TWIST2: variants seen among roughly 807,000 people sequenced by gnomAD.
TWIST2 encodes the protein twist family bHLH transcription factor 2.
Under a neutral mutation model 11.6 loss-of-function variants are expected in TWIST2, and 1 was observed. The ratio of observed to expected loss-of-function variants is 0.09; its 90% confidence interval spans 0.03 to 0.41. The LOEUF is 0.41. Ranked by LOEUF, TWIST2 falls within the 10% of genes least tolerant of loss-of-function variation. The pLI is 0.98. For synonymous variants in TWIST2, 87 were observed against 96.6 expected, an observed-to-expected ratio of 0.90 and a Z score of 0.58; for missense variants, 168 against 226.4, an observed-to-expected ratio of 0.74 and a Z score of 1.66.
intron 1 of TWIST2, among the ~76,000 whole-genome samples, chr2:238,908,568 C>A (rs1693395416): frequency 6.6e-6 from 1 of 152,294 alleles, no homozygotes; most frequent in South Asian, 2.1e-4. Flanking sequence ...GTGCCAGATG[C>A]CTGGGTGTGA....
At chr2:238,883,555 C>G (rs899943491) in intron 1 of TWIST2, among the ~76,000 whole-genome samples, 31 of 152,216 alleles carry the variant, frequency 2.0e-4, no homozygotes, top group Admixed American at 6.5e-5. Flanking sequence ...CCAGCCTTAT[C>G]ACTCCCTATC....
intron 1 of TWIST2, among the ~76,000 whole-genome samples, chr2:238,895,150 A>G (rs1358632535): frequency 3.3e-5 from 5 of 152,220 alleles, no homozygotes; most frequent in Admixed American, 1.3e-4. Context: ...CTGTGTCTTC[A>G]GATAGTCATG....
chr2:238,888,317 A>G (rs563156190), intron 1 of TWIST2, among the ~76,000 whole-genome samples: 2 of 151,274 alleles, frequency 1.3e-5, no homozygotes, highest in African/African-American at 4.9e-5. Context: ...CCCTCTACTC[A>G]CTTTCATCCT....
At chr2:238,869,884 G>A (rs1692614803) in intron 1 of TWIST2, among the ~76,000 whole-genome samples, 3 of 152,084 alleles carry the variant, frequency 2.0e-5, no homozygotes, top group African/African-American at 7.2e-5. Context: ...GGAGTTTGAG[G>A]TTACAGTGAG....
chr2:238,909,110 TG>T (rs2106377293), intron 1 of TWIST2, among the ~76,000 whole-genome samples: 1 of 60,256 alleles, frequency 1.7e-5, no homozygotes, highest in Non-Finnish European at 4.0e-5. Context: ...TTGGTGTGTG[TG>T]TATGTGGGGT....
At chr2:238,881,913 G>T (rs1692943441) in intron 1 of TWIST2, among the ~76,000 whole-genome samples, 1 of 152,046 alleles carries the variant, frequency 6.6e-6, no homozygotes, top group South Asian at 2.1e-4. Context: ...AGAGCCCGTG[G>T]GCATCACAGC....
rs147257411 is a variant in TWIST2 at position 238,882,168 on chromosome 2, A to C, written c.*36-27674A>C. Among the ~76,000 whole-genome samples the C allele has an allele frequency of 1.9e-3, 283 of 152,080 alleles. 1 individual carries two copies. Among genetic ancestry groups the C allele is most frequent in the African/African-American group, 6.4e-3 (265 of 41,502 alleles). On this transcript the variant is annotated intron_variant, in intron 1 of 1. Coordinates refer to ENST00000612363, the MANE Select transcript of TWIST2 (RefSeq NM_001271893.4). ...CTCCCAGGTCCCTGTTCATACACCAAGCCCCACTTGCCTTCTTTTCCCTGG... is the reference window on the plus strand; with the variant it reads ...CTCCCAGGTCCCTGTTCATACACCACGCCCCACTTGCCTTCTTTTCCCTGG...
At position 238,867,311 on chromosome 2, in the gene TWIST2, A is replaced by C. The variant is rs1326107331; in HGVS notation, c.*35+18578A>C. On this transcript the variant is annotated intron_variant, in intron 1 of 1. Transcript: ENST00000612363. This position sits in a 1 kb window ranked among gnomAD's most constrained non-coding sequence, Gnocchi z 4.8. ...CCTAGCCTGGAGACATCTTGGGGGA[A>C]AGTGATTCATCTGATCTGGGATGGA... 2.1e-5 allele frequency among the ~76,000 whole-genome samples: 3 copies of C among 146,196 alleles called. No homozygotes were observed. The highest frequency in any genetic ancestry group is 7.6e-5 in the African/African-American group (3 of 39,380).
intron 1 of TWIST2, among the ~76,000 whole-genome samples, chr2:238,902,978 T>TGTGTGTGTG (rs1344168075): frequency 3.6e-5 from 1 of 27,844 alleles, no homozygotes; most frequent in Non-Finnish European, 5.7e-5. Context: ...GTGTGTGATG[T>TGTGTGTGTG]GGGTGTGTGA....
chr2:238,855,431 T>C (rs1692313269), intron 1 of TWIST2, among the ~76,000 whole-genome samples: 1 of 152,214 alleles, frequency 6.6e-6, no homozygotes, highest in Admixed American at 6.5e-5. Context: ...ACATATATAC[T>C]GGTTTCTAAC....
chr2:238,908,313 C>T (rs1194046444), intron 1 of TWIST2, among the ~76,000 whole-genome samples: 2 of 148,294 alleles, frequency 1.3e-5, no homozygotes, highest in Non-Finnish European at 3.0e-5. Context: ...TGTACATAGA[C>T]ACCACATACA....
intron 1 of TWIST2, among the ~76,000 whole-genome samples, chr2:238,890,262 G>C (rs574207329): frequency 6.6e-6 from 1 of 152,352 alleles, no homozygotes; most frequent in Admixed American, 6.5e-5. Flanking sequence ...GGCCACTCCA[G>C]CCTGTATCCC....
intron 1 of TWIST2, among the ~76,000 whole-genome samples, chr2:238,908,326 CACAT>C (rs1353257306): frequency 3.8e-5 from 5 of 130,904 alleles, no homozygotes; most frequent in African/African-American, 1.2e-4. Flanking sequence ...CACATACACA[CACAT>C]ACCACACACA....
intron 1 of TWIST2, among the ~76,000 whole-genome samples, chr2:238,897,319 CT>C (rs1300348541): frequency 4.6e-5 from 7 of 152,174 alleles, no homozygotes; most frequent in South Asian, 2.1e-4. Context: ...GCGCGCCCCC[CT>C]GCCCCTGTGT....
intron 1 of TWIST2, among the ~76,000 whole-genome samples, chr2:238,861,553 G>A (rs554634076): frequency 3.3e-5 from 5 of 152,034 alleles, no homozygotes; most frequent in African/African-American, 4.8e-5. Flanking sequence ...GTAGTGTTCC[G>A]CCCTTGTCTC....
chr2:238,864,662 A>G lies in TWIST2; in HGVS notation c.*35+15929A>G, dbSNP rs1206653857. ...GGTACCCTCCGAGGTGCGGGAGAAG[A>G]GGAGGTGGGAGGGTGCGGGGCCGTG... On this transcript the variant is annotated intron_variant, in intron 1 of 1. Transcript: ENST00000612363. This position sits in a 1 kb window ranked among gnomAD's most constrained non-coding sequence, Gnocchi z 4.7. Among the ~76,000 whole-genome samples, 4 of 152,118 alleles carry G rather than the reference A, an allele frequency of 2.6e-5. No individual in the cohort carries two copies. Among genetic ancestry groups the G allele is most frequent in the Admixed American group, 2.0e-4 (3 of 15,276 alleles).
rs189710022 is a variant in TWIST2, at chr2:238,867,144, C to G, written c.*35+18411C>G. Reference sequence around the variant, plus strand: ...TTGTTTCGAGGGCCTTTTCCGTCCTCGAAGCCAGCAGCTGGAGGGAAGGAG... The same window carrying G: ...TTGTTTCGAGGGCCTTTTCCGTCCTGGAAGCCAGCAGCTGGAGGGAAGGAG... On this transcript the variant is annotated intron_variant, in intron 1 of 1. Coordinates refer to ENST00000612363, the MANE Select transcript of TWIST2 (RefSeq NM_001271893.4). The surrounding 1 kb of genome is among the most constrained non-coding windows in gnomAD (Gnocchi z 4.8). 6.6e-6 allele frequency among the ~76,000 whole-genome samples: 1 copy of G among 152,038 alleles called. No homozygotes were observed. The highest frequency in any genetic ancestry group is 1.5e-5 in the Non-Finnish European group (1 of 68,016).
intron 1 of TWIST2, among the ~76,000 whole-genome samples, chr2:238,891,524 T>C (rs1693132440): frequency 6.6e-6 from 1 of 152,008 alleles, no homozygotes; most frequent in African/African-American, 2.4e-5. Context: ...TGTGTTCCAG[T>C]GTAGGGGGAG....
At chr2:238,871,635 C>A (rs1056807001) in intron 1 of TWIST2, among the ~76,000 whole-genome samples, 8 of 129,894 alleles carry the variant, frequency 6.2e-5, no homozygotes, top group African/African-American at 2.2e-4. Context: ...CCACCACACA[C>A]CCCACACACA....
Sources: allele counts gnomAD v4.1 joint callset (sites outside exome capture counted in the v4.1 genomes callset), GRCh38; gene constraint gnomAD v4.1.1; non-coding constraint Gnocchi (gnomAD v3.1); transcripts MANE v1.5; gene names NCBI Gene and HGNC (gene_info 2026-07-23, HGNC 2026-07-21).